Variants in POLR3E observed in about 807,000 individuals in gnomAD.
POLR3E encodes RNA polymerase III subunit E, also known as DNA-directed RNA polymerase III subunit RPC5.
In POLR3E, 41 loss-of-function variants were observed where a neutral mutation model predicts 96.6. The observed-to-expected ratio is 0.42, with a 90% CI of 0.33 to 0.55. The LOEUF (loss-of-function observed/expected upper bound fraction) is 0.55, where lower values mean the gene tolerates loss of function less well. POLR3E is among the 20% of genes least tolerant of loss of function. POLR3E has a pLI of 0.06. For synonymous variants in POLR3E, 396 were observed against 383.6 expected, an observed-to-expected ratio of 1.03 and a Z score of -0.38; for missense variants, 849 against 952.1, an observed-to-expected ratio of 0.89 and a Z score of 1.43.
rs1037814330 is a variant in POLR3E at position 22,328,527 on chromosome 16, T to C, written c.1884T>C (p.Ala628=). The C allele has an allele frequency of 1.1e-5, 17 of 1,614,032 alleles. No individual in the cohort carries two copies. Among genetic ancestry groups the C allele is most frequent in the Non-Finnish European group, 1.4e-5 (17 of 1,179,938 alleles). Residue 628 remains alanine (A), a synonymous_variant, in exon 19 of 21, where the codon GCT becomes GCC. Transcript: ENST00000299853. ...QILVPFPPQT[A]ASPDEQKVFA... Reference sequence around the variant, plus strand: ...TTGGTCAGTTTCCCCCCCAGACTGCTGCTTCCCCGGATGAGCAGAAGGTGT... The same window carrying C: ...TTGGTCAGTTTCCCCCCCAGACTGCCGCTTCCCCGGATGAGCAGAAGGTGT...
At position 22,313,076 on chromosome 16, in the gene POLR3E, C is replaced by T. The variant is rs1293536453; in HGVS notation, c.365-544C>T. ...CATCCCTTGCAGCGGGAGGGAAAGT[C>T]ATGATCTTTATCAGAGGCCATGTGG... On this transcript the variant is annotated intron_variant, in intron 6 of 20. Coordinates refer to ENST00000299853, the MANE Select transcript of POLR3E (RefSeq NM_018119.4). The surrounding 1 kb of genome is among the most constrained non-coding windows in gnomAD (Gnocchi z 4.1). Among the ~76,000 whole-genome samples, 1 of 151,576 alleles carries T rather than the reference C, an allele frequency of 6.6e-6. No individual in the cohort carries two copies. Among genetic ancestry groups the T allele is most frequent in the East Asian group, 1.9e-4 (1 of 5,176 alleles).
intron 2 of POLR3E, among the ~76,000 whole-genome samples, chr16:22,303,802 G>C (rs1252483353): frequency 6.9e-6 from 1 of 145,224 alleles, no homozygotes; most frequent in African/African-American, 2.6e-5. Context: ...CACCACGCCC[G>C]ACTAATTTTT....
Position 22,309,458 on chromosome 16 carries a change from T to C in POLR3E, c.312T>C (p.Ser104=), listed in dbSNP as rs1359954899. The change falls in exon 6 of 21, where the codon TCT becomes TCC. Residue 104 remains serine, a synonymous_variant. Transcript: ENST00000299853. ...SKLMDKQTFC[S]SQTTSNTSRY... ...TGATGGACAAGCAGACCTTCTGCTC[T>C]TCCCAGACCACCAGTAACACATCCC... is the stretch of plus-strand genomic sequence containing the variant. 6.2e-7 allele frequency: 1 copy of C among 1,613,758 alleles called. No individual in the cohort carries two copies. The highest frequency in any genetic ancestry group is 8.5e-7 in the Non-Finnish European group (1 of 1,179,924).
At position 22,317,095 on chromosome 16, in the gene POLR3E, G is replaced by A. The variant is rs767599445; in HGVS notation, c.774-20G>A. The A allele has an allele frequency of 6.3e-5, 101 of 1,613,742 alleles. No homozygotes were observed. The highest frequency in any genetic ancestry group is 7.6e-5 in the Non-Finnish European group (90 of 1,179,626). ...TTTCCGGGCTGGCTGCCTCTAACCCGTCCCCTCTGCTTTTCCCAGAGACAA... is the reference window on the plus strand; with the variant it reads ...TTTCCGGGCTGGCTGCCTCTAACCCATCCCCTCTGCTTTTCCCAGAGACAA... On this transcript the variant is annotated intron_variant, in intron 11 of 20. Coordinates refer to ENST00000299853, the MANE Select transcript of POLR3E (RefSeq NM_018119.4).
chr16:22,325,042 G>T (rs1393544100), intron 16 of POLR3E, among the ~76,000 whole-genome samples, 163 bp from the exon 17 acceptor site: 1 of 152,092 alleles, frequency 6.6e-6, no homozygotes. Flanking sequence ...TGGTCCTGGG[G>T]CTGTGCACTC....
In POLR3E at chr16:22,328,204, C is replaced by T. The variant is rs757810618; in HGVS notation, c.1867-306C>T. 7 of 285,266 alleles carry T rather than the reference C, an allele frequency of 2.5e-5. No individual in the cohort carries two copies. The East Asian group carries it at 4.3e-4, about 18-fold the overall frequency. 17.7% of individuals were successfully genotyped at this position (285,266 alleles called of 1,614,324 possible). On this transcript the variant is annotated intron_variant, in intron 18 of 20. Coordinates refer to ENST00000299853, the MANE Select transcript of POLR3E (RefSeq NM_018119.4). ...TGGTGCCAGGCTGATGGGAAACAGA[C>T]GCAGCTTCCCCACTGTACGGAGGAT...
At chr16:22,303,089 A>G (rs1347611908) in intron 2 of POLR3E, 85 bp downstream of exon 2, 6 of 1,244,102 alleles carry the variant, frequency 4.8e-6, no homozygotes, top group African/African-American at 1.5e-5. Flanking sequence ...CCAGTCTGGG[A>G]CCTGTTGATG....
Position 22,302,441 on chromosome 16 carries a change from G to A in POLR3E, c.-38-490G>A, listed in dbSNP as rs1434655420. 2.5e-5 allele frequency: 4 copies of A among 160,994 alleles called. No individual in the cohort carries two copies. In the East Asian group the frequency reaches 7.2e-4, roughly 29 times the overall value. The allele number at this position is 160,994 out of a possible 1,614,324, so 10.0% of individuals were successfully genotyped here. A position where few individuals can be genotyped will look rare whatever the true frequency, so the allele number is the denominator to read the frequency against. On this transcript the variant is annotated intron_variant, in intron 1 of 20. Coordinates refer to ENST00000299853, the MANE Select transcript of POLR3E (RefSeq NM_018119.4). ...TCATTTTTAGACCAAAAACACAGAAGAGTCATCTCACTCAGGATTCGAGTT... is the reference window on the plus strand; with the variant it reads ...TCATTTTTAGACCAAAAACACAGAAAAGTCATCTCACTCAGGATTCGAGTT...
chr16:22,317,075 G>A (rs376255557), intron 11 of POLR3E, 36 bp downstream of exon 11: 169 of 1,613,854 alleles, frequency 1.0e-4, no homozygotes, highest in Non-Finnish European at 1.4e-4. Flanking sequence ...CTCCCTTTCC[G>A]GGCTGGCTGC....
intron 20 of POLR3E, among the ~76,000 whole-genome samples, chr16:22,333,067 C>T (rs1392823926): frequency 6.7e-6 from 1 of 149,082 alleles, no homozygotes; most frequent in African/African-American, 2.5e-5. Context: ...CTCTACCTCC[C>T]AGTTTCAAGC....
Position 22,334,339 on chromosome 16 carries a change from C to G in POLR3E, c.*639C>G, listed in dbSNP as rs1381210170. The G allele has an allele frequency of 6.6e-6, 1 of 152,152 alleles. No homozygotes were observed. Among genetic ancestry groups the G allele is most frequent in the Non-Finnish European group, 1.5e-5 (1 of 68,020 alleles). 9.4% of individuals were successfully genotyped at this position (152,152 alleles called of 1,614,324 possible). A position where few individuals can be genotyped will look rare whatever the true frequency, so the allele number is the denominator to read the frequency against. ...TTTAATGTTTGCAGAAAGATGCAAACAAAACCAGGTAAGTATGGAACAATG... is the reference window on the plus strand; with the variant it reads ...TTTAATGTTTGCAGAAAGATGCAAAGAAAACCAGGTAAGTATGGAACAATG... On this transcript the variant is annotated 3_prime_UTR_variant, in exon 21 of 21. Transcript: ENST00000299853.
Position 22,324,375 on chromosome 16 carries a change from C to A in POLR3E, c.1090C>A (p.Arg364Ser). Residue 364 changes from arginine to serine, a missense_variant, in exon 15 of 21, where the codon CGC becomes AGC. Coordinates refer to ENST00000299853, the MANE Select transcript of POLR3E (RefSeq NM_018119.4). ...DFVMWKFTQS[R>S]WVVRKEVATV... ...TCAGATGTGGAAGTTCACGCAGAGC[C>A]GCTGGGTGGTTAGGAAAGAGGTGGC... 5.6e-6 allele frequency: 9 copies of A among 1,612,816 alleles called. No individual in the cohort carries two copies. The highest frequency in any genetic ancestry group is 7.6e-6 in the Non-Finnish European group (9 of 1,179,642).
intron 1 of POLR3E, chr16:22,302,585 CTGGGA>C (rs1286848063): frequency 9.1e-6 from 2 of 220,984 alleles, no homozygotes; most frequent in Admixed American, 5.5e-5. Context: ...TTAATCATGG[CTGGGA>C]CCAGCCAACC....
chr16:22,318,610 C>A lies in POLR3E; in HGVS notation c.866-216C>A, dbSNP rs534771476. Among the ~76,000 whole-genome samples the A allele has an allele frequency of 1.3e-5, 2 of 152,176 alleles. No homozygotes were observed. Among genetic ancestry groups the A allele is most frequent in the Non-Finnish European group, 2.9e-5 (2 of 68,026 alleles). On this transcript the variant is annotated intron_variant, in intron 12 of 20. Coordinates refer to ENST00000299853, the MANE Select transcript of POLR3E (RefSeq NM_018119.4). This position sits in a 1 kb window ranked among gnomAD's most constrained non-coding sequence, Gnocchi z 5.0. ...CACCCCTCAAGTCTTCCTTAAGGGG[C>A]ACTTCATATAATCCTCAGATTTCAT...
chr16:22,304,304 T>TG (rs757745509), intron 2 of POLR3E, among the ~76,000 whole-genome samples: 43 of 152,054 alleles, frequency 2.8e-4, no homozygotes, highest in Admixed American at 1.2e-3. Flanking sequence ...TGAATAGAGG[T>TG]GGTTTTTCCT....
intron 8 of POLR3E, 29 bp from the exon 9 acceptor site, chr16:22,315,060 G>T (rs201314259): frequency 6.2e-7 from 1 of 1,610,686 alleles, no homozygotes; most frequent in Admixed American, 1.7e-5. Flanking sequence ...CAGGCCTGAC[G>T]GTATGACCTC....
At chr16:22,304,475 G>C (rs914290881) in intron 2 of POLR3E, among the ~76,000 whole-genome samples, 1 of 152,196 alleles carries the variant, frequency 6.6e-6, no homozygotes, top group African/African-American at 2.4e-5. Context: ...CAGCCAGGGG[G>C]CCTGGAATGC....
intron 1 of POLR3E, 65 bp from the exon 2 acceptor site, chr16:22,302,866 A>G: frequency 5.5e-6 from 6 of 1,089,526 alleles, no homozygotes; most frequent in Non-Finnish European, 8.5e-6. Context: ...GGCCTGTTGC[A>G]GAATAGGCAC....
intron 18 of POLR3E, 130 bp from the exon 19 acceptor site, chr16:22,328,380 T>G: frequency 1.3e-6 from 1 of 741,836 alleles, no homozygotes; most frequent in East Asian, 2.7e-5. Context: ...TCAGAGATGG[T>G]GAGTAGCAGA....
Sources: gnomAD v4.1 joint callset for allele counts (sites outside exome capture counted in the v4.1 genomes callset) on GRCh38, gnomAD v4.1.1 for gene constraint, Gnocchi (gnomAD v3.1) non-coding constraint, MANE v1.5 for transcripts, NCBI Gene and HGNC (gene_info 2026-07-23, HGNC 2026-07-21) for gene names.